The following CEP350 variants were observed in gnomAD, a reference collection of about 807,000 sequenced individuals.
CEP350 encodes centrosome-associated protein 350.
Under a neutral mutation model 331.8 loss-of-function variants are expected in CEP350, and 126 were observed. The ratio of observed to expected loss-of-function variants is 0.38; its 90% CI spans 0.33 to 0.44. CEP350 has a LOEUF of 0.44. CEP350 is among the 20% of genes least tolerant of loss of function. The probability of loss-of-function intolerance (pLI) is 1.00; values close to 1 mark genes in which losing one functional copy is unlikely to be tolerated. For synonymous variants in CEP350, 1,200 were observed against 1,259.5 expected, an observed-to-expected ratio of 0.95 and a Z score of 1.00; for missense variants, 3,406 against 3,634.6, an observed-to-expected ratio of 0.94 and a Z score of 1.62.
intron 7 of CEP350, among the ~76,000 whole-genome samples, chr1:180,004,922 T>G (rs1482676514): frequency 2.9e-4 from 21 of 73,652 alleles, no homozygotes; most frequent in African/African-American, 5.9e-4. Flanking sequence ...TTTCTTTCTT[T>G]CTTTCTTTCT....
chr1:180,084,688 T>C (rs2149098375), intron 31 of CEP350, among the ~76,000 whole-genome samples: 2 of 152,262 alleles, frequency 1.3e-5, no homozygotes, highest in South Asian at 2.1e-4. Flanking sequence ...TAAATTTAAA[T>C]ATTAAAATAA....
intron 1 of CEP350, among the ~76,000 whole-genome samples, chr1:179,977,662 A>G (rs1357650219): frequency 1.3e-5 from 2 of 152,238 alleles, no homozygotes; most frequent in East Asian, 3.8e-4. Flanking sequence ...AAGGCTACTG[A>G]AGGCTTAGGA....
intron 19 of CEP350, among the ~76,000 whole-genome samples, chr1:180,042,132 T>TCTCTCACACACA (rs1553258521): frequency 7.5e-5 from 11 of 146,870 alleles, no homozygotes; most frequent in African/African-American, 2.8e-4. Flanking sequence ...GAGTTTTCTC[T>TCTCTCACACACA]CACACACACA....
intron 14 of CEP350, among the ~76,000 whole-genome samples, chr1:180,029,730 C>T (rs559555792): frequency 6.6e-6 from 1 of 152,306 alleles, no homozygotes; most frequent in African/African-American, 2.4e-5. Flanking sequence ...GCATTAAGTA[C>T]ATTCACATTG....
chr1:180,095,744 A>C lies in CEP350; in HGVS notation c.8733A>C (p.Glu2911Asp). The C allele has an allele frequency of 6.2e-7, 1 of 1,614,040 alleles. No homozygotes were observed. The highest frequency in any genetic ancestry group is 8.5e-7 in the Non-Finnish European group (1 of 1,179,890). ...AAAGAGTAACCCAACAACCATGTGA[A>C]ACATTATTGGCAGTCCCCCATACTG... is the stretch of plus-strand genomic sequence containing the variant. Reference protein sequence around the residue: ...EPKRVTQQPCETLLAVPHTAE... With the variant: ...EPKRVTQQPCDTLLAVPHTAE... The change falls in exon 35 of 38, where the codon GAA becomes GAC. Residue 2911 changes from glutamate (E) to aspartate (D), a missense_variant. Around this residue, in one of 5 missense-constraint regions of CEP350, gnomAD observed 1,415 missense variants for 1,512.3 expected, o/e 0.94. Transcript: ENST00000367607.
At chr1:180,095,494 G>C in intron 34 of CEP350, 29 bp from the exon 35 acceptor site, 1 of 1,579,084 alleles carries the variant, frequency 6.3e-7, no homozygotes, top group Non-Finnish European at 8.6e-7. Flanking sequence ...CCTAAATGGT[G>C]CTCTGTTTGA....
intron 36 of CEP350, among the ~76,000 whole-genome samples, chr1:180,097,482 T>C (rs1184439108): frequency 6.6e-6 from 1 of 152,206 alleles, no homozygotes; most frequent in Non-Finnish European, 1.5e-5. Context: ...TCCGGGCACG[T>C]TGGTACTTTG....
At chr1:180,055,210 C>A (rs1183028184) in intron 25 of CEP350, among the ~76,000 whole-genome samples, 1 of 152,160 alleles carries the variant, frequency 6.6e-6, no homozygotes, top group African/African-American at 2.4e-5. Flanking sequence ...TATTTGAATT[C>A]CAGCGTTGTC....
intron 8 of CEP350, among the ~76,000 whole-genome samples, chr1:180,007,988 A>G (rs1451322942): frequency 6.6e-6 from 1 of 152,112 alleles, no homozygotes; most frequent in Non-Finnish European, 1.5e-5. Context: ...GTTCATCAAC[A>G]TACTGAACAC....
intron 32 of CEP350, among the ~76,000 whole-genome samples, 152 bp from the exon 33 acceptor site, chr1:180,090,562 A>G (rs971124314): frequency 4.1e-5 from 5 of 120,900 alleles, no homozygotes; most frequent in African/African-American, 8.0e-5. Flanking sequence ...AAAAAAAAAA[A>G]AAAAAAAAGA....
chr1:179,970,559 A>G (rs1651367086), intron 1 of CEP350, among the ~76,000 whole-genome samples: 1 of 151,014 alleles, frequency 6.6e-6, no homozygotes. Context: ...TTCTTAACCT[A>G]TCATAGATCT....
chr1:180,056,751 T>G (rs1334826637), intron 25 of CEP350, among the ~76,000 whole-genome samples: 3 of 152,028 alleles, frequency 2.0e-5, no homozygotes, highest in African/African-American at 7.2e-5. Flanking sequence ...TGTGAGCCAC[T>G]GTGCCTGGTC....
Position 180,111,125 on chromosome 1 carries a change from G to A in CEP350, c.9318G>A (p.Gln3106=), listed in dbSNP as rs1661450820. The A allele has an allele frequency of 6.2e-7, 1 of 1,613,892 alleles. No individual in the cohort carries two copies. Among genetic ancestry groups the A allele is most frequent in the African/African-American group, 1.3e-5 (1 of 74,930 alleles). The part of the protein sequence containing the change: ...LIKDTIDVLN[Q]ISEKQGRMLL... ...AAGATACTATTGATGTTCTGAATCA[G>A]ATCAGTGAAAAGCAGGGGAGAATGC... Residue 3106 remains glutamine (Q), a synonymous_variant, in exon 38 of 38, where the codon CAG becomes CAA. Coordinates refer to ENST00000367607, the MANE Select transcript of CEP350 (RefSeq NM_014810.5).
At chr1:180,019,431 AT>A (rs1168779399) in intron 11 of CEP350, among the ~76,000 whole-genome samples, 2 of 152,150 alleles carry the variant, frequency 1.3e-5, no homozygotes, top group Non-Finnish European at 2.9e-5. Flanking sequence ...TAACCTCCCT[AT>A]TTAGCATGTA....
At position 179,954,907 on chromosome 1, in the gene CEP350, C is replaced by A; in HGVS notation, c.-249C>A. On this transcript the variant is annotated 5_prime_UTR_variant, in exon 1 of 38. Transcript: ENST00000367607. Reference sequence around the variant, plus strand: ...CTGCGCCAGAGAGAACTGCAGGGAGCCGCAGCTCGGGGGGTGGCTTGCCCT... The same window carrying A: ...CTGCGCCAGAGAGAACTGCAGGGAGACGCAGCTCGGGGGGTGGCTTGCCCT... 1 of 616,610 alleles carries A rather than the reference C, an allele frequency of 1.6e-6. No homozygotes were observed. The highest frequency in any genetic ancestry group is 2.5e-6 in the Non-Finnish European group (1 of 404,180). 38.2% of individuals were successfully genotyped at this position (616,610 alleles called of 1,614,324 possible). A position where few individuals can be genotyped will look rare whatever the true frequency, so the allele number is the denominator to read the frequency against.
At chr1:179,977,657 T>C (rs1189336050) in intron 1 of CEP350, among the ~76,000 whole-genome samples, 2 of 152,220 alleles carry the variant, frequency 1.3e-5, no homozygotes, top group African/African-American at 2.4e-5. Flanking sequence ...TCCAAAAGGC[T>C]ACTGAAGGCT....
intron 13 of CEP350, among the ~76,000 whole-genome samples, chr1:180,023,586 T>A (rs926577919): frequency 6.6e-6 from 1 of 152,222 alleles, no homozygotes; most frequent in Non-Finnish European, 1.5e-5. Flanking sequence ...TATTGGGCAC[T>A]TAGTGTGCAA....
At chr1:180,044,014 A>T in intron 20 of CEP350, 37 bp from the exon 21 acceptor site, 1 of 1,487,026 alleles carries the variant, frequency 6.7e-7, no homozygotes, top group Non-Finnish European at 8.9e-7. Flanking sequence ...GTTATTAGAG[A>T]CTTTGAATGT....
chr1:180,035,829 C>T (rs1391199524), intron 16 of CEP350, among the ~76,000 whole-genome samples: 1 of 152,160 alleles, frequency 6.6e-6, no homozygotes, highest in Admixed American at 6.5e-5. Context: ...ATTCTGTACC[C>T]ATGGATCAAG....
Sources: allele counts gnomAD v4.1 joint callset (sites outside exome capture counted in the v4.1 genomes callset), GRCh38; gene constraint gnomAD v4.1.1; regional missense constraint gnomAD v4.1.1; transcripts MANE v1.5; gene names NCBI Gene and HGNC (gene_info 2026-07-23, HGNC 2026-07-21).